Variants in KDM1B observed in about 807,000 individuals in gnomAD.
KDM1B encodes the protein lysine-specific histone demethylase 2.
Under a neutral mutation model 107.4 loss-of-function variants are expected in KDM1B, and 63 were observed. The observed-to-expected ratio is 0.59, with a 90% CI of 0.48 to 0.72. KDM1B has a LOEUF of 0.72. Ranked by LOEUF, KDM1B falls within the 30% of genes least tolerant of loss-of-function variation. KDM1B has a pLI of 0.00. For synonymous variants in KDM1B, 363 were observed against 363.9 expected (o/e 1.00, Z 0.03); for missense variants, 749 against 1,020.8 (o/e 0.73, Z 3.63).
chr6:18,196,218 C>A (rs563485050), intron 10 of KDM1B, among the ~76,000 whole-genome samples: 2 of 152,226 alleles, frequency 1.3e-5, no homozygotes, highest in South Asian at 4.1e-4. Context: ...AGCACATTTT[C>A]TTTATTCATC....
chr6:18,156,444 A>C (rs1428988181), intron 2 of KDM1B, among the ~76,000 whole-genome samples: 1 of 152,044 alleles, frequency 6.6e-6, no homozygotes, highest in East Asian at 1.9e-4. Context: ...TACACACATA[A>C]CTCAAGGCTT....
chr6:18,217,641 T>C, intron 20 of KDM1B, 92 bp from the exon 21 acceptor site: 2 of 1,035,046 alleles, frequency 1.9e-6, no homozygotes, highest in Non-Finnish European at 2.9e-6. Flanking sequence ...CCTCCCAAAG[T>C]GCTGGGATGG....
At chr6:18,196,640 A>G (rs1404850269) in intron 10 of KDM1B, among the ~76,000 whole-genome samples, 6 of 151,906 alleles carry the variant, frequency 3.9e-5, no homozygotes, top group South Asian at 2.1e-4. Context: ...AATATTTGGG[A>G]AAAAAAATGG....
intron 3 of KDM1B, 104 bp downstream of exon 3, chr6:18,160,086 C>A: frequency 1.4e-6 from 1 of 715,926 alleles, no homozygotes; most frequent in Non-Finnish European, 2.3e-6. Context: ...CCTCAAGTTG[C>A]TTGTATTCTA....
chr6:18,168,021 A>G (rs1316079039), intron 6 of KDM1B, among the ~76,000 whole-genome samples: 2 of 152,154 alleles, frequency 1.3e-5, no homozygotes, highest in Admixed American at 1.3e-4. Context: ...CAGCCTCTCA[A>G]AGTGTTAGGA....
At position 18,163,146 on chromosome 6, in the gene KDM1B, C is replaced by CT. The variant is rs35989887; in HGVS notation, c.305+238dup. ...AGGGATCAAAAAATATCTGCCATTTCTTTTTTTTTTTTTTTTGAGGCAAGA... is the reference window on the plus strand; with the variant it reads ...AGGGATCAAAAAATATCTGCCATTTCTTTTTTTTTTTTTTTTTGAGGCAAGA... On this transcript the variant is annotated intron_variant, in intron 5 of 21. Transcript: ENST00000650836. 4.5e-3 allele frequency among the ~76,000 whole-genome samples: 632 copies of CT among 139,650 alleles called. 3 individuals are homozygous for CT. Among genetic ancestry groups the CT allele is most frequent in the Middle Eastern group, 0.026 (7 of 272 alleles). 91.6% of individuals were successfully genotyped at this position (139,650 alleles called of 152,430 possible).
intron 5 of KDM1B, among the ~76,000 whole-genome samples, chr6:18,164,094 T>G (rs6916807): frequency 6.6e-6 from 1 of 151,942 alleles, no homozygotes; most frequent in Non-Finnish European, 1.5e-5. Flanking sequence ...TGCAGATATG[T>G]CTATTTTTCC....
intron 7 of KDM1B, 98 bp downstream of exon 7, chr6:18,171,577 G>C (rs921824155): frequency 1.8e-5 from 13 of 739,336 alleles, no homozygotes; most frequent in Non-Finnish European, 2.7e-5. Context: ...TGATCATTCT[G>C]TCAAGGTTGT....
rs1786817024 is a variant in KDM1B at position 18,185,825 on chromosome 6, A to G, written c.573+15A>G. On this transcript the variant is annotated intron_variant, in intron 8 of 21. Coordinates refer to ENST00000650836, the MANE Select transcript of KDM1B (RefSeq NM_001364614.2). Reference sequence around the variant, plus strand: ...CAGAGGATCTAGTGAGTATTTCCGGATGGTGTGGATTGGGGTTAATTGTGC... The same window carrying G: ...CAGAGGATCTAGTGAGTATTTCCGGGTGGTGTGGATTGGGGTTAATTGTGC... 1.2e-6 allele frequency: 2 copies of G among 1,612,400 alleles called. No homozygotes were observed. Among genetic ancestry groups the G allele is most frequent in the African/African-American group, 2.7e-5 (2 of 74,852 alleles).
chr6:18,196,556 C>G (rs1787666840), intron 10 of KDM1B, among the ~76,000 whole-genome samples: 1 of 151,910 alleles, frequency 6.6e-6, no homozygotes, highest in African/African-American at 2.4e-5. Flanking sequence ...TTTGCATTTC[C>G]TTGATGATTA....
chr6:18,161,134 A>G (rs896702851), intron 3 of KDM1B, among the ~76,000 whole-genome samples, 193 bp from the exon 4 acceptor site: 4 of 152,128 alleles, frequency 2.6e-5, no homozygotes, highest in Non-Finnish European at 5.9e-5. Flanking sequence ...CTATTTCTAT[A>G]TCTCTAGCAA....
chr6:18,179,497 A>G (rs780426602), intron 7 of KDM1B, among the ~76,000 whole-genome samples: 4 of 152,180 alleles, frequency 2.6e-5, no homozygotes, highest in Admixed American at 1.3e-4. Context: ...TAATGAAACA[A>G]TTTGGGCCAG....
At chr6:18,166,901 C>T (rs974912057) in intron 6 of KDM1B, among the ~76,000 whole-genome samples, 1 of 151,958 alleles carries the variant, frequency 6.6e-6, no homozygotes, top group Non-Finnish European at 1.5e-5. Context: ...AGGCTCACCA[C>T]CAGCTGGTGA....
chr6:18,181,528 G>A (rs190345652), intron 7 of KDM1B, among the ~76,000 whole-genome samples: 191 of 152,214 alleles, frequency 1.3e-3, no homozygotes, highest in Non-Finnish European at 2.0e-3. Flanking sequence ...CCTTTGGGAG[G>A]CTGAAGCAGG....
rs140541302 is a variant in KDM1B, at chr6:18,184,780, A to G, written c.535-992A>G. ...TTTTTTAAGACAAGGTCTCTTGTCC[A>G]GGTGGAGTGCAGTGGTGCTGTCACA... On this transcript the variant is annotated intron_variant, in intron 7 of 21. Coordinates refer to ENST00000650836, the MANE Select transcript of KDM1B (RefSeq NM_001364614.2). Among the ~76,000 whole-genome samples the G allele has an allele frequency of 7.2e-3, 742 of 103,080 alleles. 7 individuals carry two copies. The highest frequency in any genetic ancestry group is 0.025 in the African/African-American group (696 of 27,690). The allele number at this position is 103,080 out of a possible 152,430, so 67.6% of individuals were successfully genotyped here. A position where few individuals can be genotyped will look rare whatever the true frequency, so the allele number is the denominator to read the frequency against.
chr6:18,197,543 T>C lies in KDM1B; in HGVS notation c.1147-44T>C. Reference sequence around the variant, plus strand: ...CCGGAACAACTAAAACAGGACGTTGTTATCATCTGCTCTAATTGGACTTTT... The same window carrying C: ...CCGGAACAACTAAAACAGGACGTTGCTATCATCTGCTCTAATTGGACTTTT... On this transcript the variant is annotated intron_variant, in intron 11 of 21. Transcript: ENST00000650836. This position sits in a 1 kb window ranked among gnomAD's most constrained non-coding sequence, Gnocchi z 4.5. 1 of 1,470,862 alleles carries C rather than the reference T, an allele frequency of 6.8e-7. No homozygotes were observed. Among genetic ancestry groups the C allele is most frequent in the Non-Finnish European group, 9.5e-7 (1 of 1,052,258 alleles). The allele number at this position is 1,470,862 out of a possible 1,614,324, so 91.1% of individuals were successfully genotyped here.
Position 18,223,751 on chromosome 6 carries a change from T to G in KDM1B, c.*1759T>G, listed in dbSNP as rs1789975515. On this transcript the variant is annotated 3_prime_UTR_variant, in exon 22 of 22. Coordinates refer to ENST00000650836, the MANE Select transcript of KDM1B (RefSeq NM_001364614.2). ...TGTTTTTTCAATGCCATCTGAAGAT[T>G]TTGTAATTGAGTAGCAGTAAATATA... is the stretch of plus-strand genomic sequence containing the variant. 2 of 152,202 alleles carry G rather than the reference T, an allele frequency of 1.3e-5. No individual in the cohort carries two copies. The highest frequency in any genetic ancestry group is 4.1e-4 in the South Asian group (2 of 4,832). 9.4% of individuals were successfully genotyped at this position (152,202 alleles called of 1,614,324 possible).
At chr6:18,160,026 A>G (rs968828350) in intron 3 of KDM1B, 44 bp downstream of exon 3, 3 of 1,279,246 alleles carry the variant, frequency 2.3e-6, no homozygotes, top group African/African-American at 3.0e-5. Context: ...TTGAGCATGC[A>G]GAATTACTGA....
At chr6:18,176,904 A>G (rs577894120) in intron 7 of KDM1B, among the ~76,000 whole-genome samples, 12 of 152,234 alleles carry the variant, frequency 7.9e-5, no homozygotes, top group East Asian at 5.8e-4. Flanking sequence ...GTTAGCGTCT[A>G]TGTTCATCAG....
Sources: allele counts gnomAD v4.1 joint callset (sites outside exome capture counted in the v4.1 genomes callset), GRCh38; gene constraint gnomAD v4.1.1; non-coding constraint Gnocchi (gnomAD v3.1); transcripts MANE v1.5; gene names NCBI Gene and HGNC (gene_info 2026-07-23, HGNC 2026-07-21).